Variants in EFCAB6 observed in about 807,000 individuals in gnomAD.
EFCAB6 encodes the protein EF-hand calcium binding domain 6, also known as EF-hand calcium-binding domain-containing protein 6.
A neutral mutation model predicts 169.8 loss-of-function variants in EFCAB6; 156 were observed. The observed-to-expected ratio is 0.92, with a 90% CI of 0.81 to 1.05. The LOEUF (loss-of-function observed/expected upper bound fraction) is 1.05, where lower values mean the gene tolerates loss of function less well. Ranked by LOEUF, EFCAB6 falls within the 50% of genes least tolerant of loss-of-function variation. EFCAB6 has a pLI of 0.00. For missense variants in EFCAB6, 1,800 were observed against 1,829.1 expected (o/e 0.98, Z 0.29); for synonymous variants, 698 against 676.4 (o/e 1.03, Z -0.50).
intron 3 of EFCAB6, among the ~76,000 whole-genome samples, chr22:43,779,671 C>T (rs1185523346): frequency 1.3e-5 from 2 of 151,932 alleles, no homozygotes; most frequent in Admixed American, 6.6e-5. Flanking sequence ...ACCCAGGAGA[C>T]GGAGCTTGCA....
chr22:43,644,597 A>G (rs2056033707), intron 17 of EFCAB6, among the ~76,000 whole-genome samples: 1 of 152,224 alleles, frequency 6.6e-6, no homozygotes, highest in Admixed American at 6.5e-5. Context: ...GCCTGACTCT[A>G]GGCCTTCAGC....
At chr22:43,543,652 G>C (rs2047877788) in intron 27 of EFCAB6, among the ~76,000 whole-genome samples, 1 of 152,182 alleles carries the variant, frequency 6.6e-6, no homozygotes, top group Non-Finnish European at 1.5e-5. Context: ...GAGCCCAATA[G>C]CCGCCAGAGA....
intron 4 of EFCAB6, among the ~76,000 whole-genome samples, chr22:43,768,545 C>G (rs1442998978): frequency 6.6e-6 from 1 of 152,214 alleles, no homozygotes; most frequent in South Asian, 2.1e-4. Context: ...GCCCTTCATT[C>G]CCAATGACCT....
At chr22:43,782,741 G>A (rs1297298391) in intron 2 of EFCAB6, among the ~76,000 whole-genome samples, 1 of 152,190 alleles carries the variant, frequency 6.6e-6, no homozygotes, top group Non-Finnish European at 1.5e-5. Context: ...AAGGACCTCC[G>A]AAAATCCTCT....
chr22:43,713,804 AAC>A (rs1220807003), intron 9 of EFCAB6, among the ~76,000 whole-genome samples: 1 of 152,232 alleles, frequency 6.6e-6, no homozygotes, highest in African/African-American at 2.4e-5. Flanking sequence ...TGAAAATGAT[AAC>A]ACAGCTATAC....
Position 43,795,451 on chromosome 22 carries a change from T to TGTGG in EFCAB6, c.-7-13127_-7-13126insCCAC, listed in dbSNP as rs1369891682. 3.9e-5 allele frequency among the ~76,000 whole-genome samples: 6 copies of TGTGG among 152,228 alleles called. No homozygotes were observed. The East Asian group carries it at 1.2e-3, about 29-fold the overall frequency. ...AGTGCCCACTAGGCAGGAGAGGAGC[T>TGTGG]GCCTCCTGCCCACATCTCCCCTCTC... On this transcript the variant is annotated intron_variant, in intron 2 of 31. Coordinates refer to ENST00000262726, the MANE Select transcript of EFCAB6 (RefSeq NM_022785.4). This position sits in a 1 kb window ranked among gnomAD's most constrained non-coding sequence, Gnocchi z 4.2.
chr22:43,732,119 A>G (rs1170930039), intron 7 of EFCAB6, among the ~76,000 whole-genome samples: 1 of 152,184 alleles, frequency 6.6e-6, no homozygotes, highest in African/African-American at 2.4e-5. Flanking sequence ...CGGCTCTGGC[A>G]GAAGGGGAGC....
At chr22:43,576,812 G>A (rs2050286590) in intron 25 of EFCAB6, among the ~76,000 whole-genome samples, 2 of 152,188 alleles carry the variant, frequency 1.3e-5, no homozygotes, top group African/African-American at 4.8e-5. Context: ...CTGCTCCCAG[G>A]ATCCCTGTTT....
intron 10 of EFCAB6, among the ~76,000 whole-genome samples, chr22:43,692,684 A>G (rs2058451541): frequency 6.6e-6 from 1 of 152,226 alleles, no homozygotes; most frequent in African/African-American, 2.4e-5. Flanking sequence ...GAACCCAACC[A>G]ATATGAAGAC....
At chr22:43,623,174 T>A (rs67402141) in intron 20 of EFCAB6, among the ~76,000 whole-genome samples, 1 of 152,210 alleles carries the variant, frequency 6.6e-6, no homozygotes, top group Non-Finnish European at 1.5e-5. Context: ...GGTATTTTCA[T>A]TCAGTTAGTC....
chr22:43,600,906 G>T (rs1452059604), intron 22 of EFCAB6, among the ~76,000 whole-genome samples: 1 of 152,116 alleles, frequency 6.6e-6, no homozygotes, highest in African/African-American at 2.4e-5. Context: ...CAGGTGATCC[G>T]CCGGCTTCGG....
chr22:43,650,094 T>G (rs1030406775), intron 17 of EFCAB6, among the ~76,000 whole-genome samples: 24 of 152,014 alleles, frequency 1.6e-4, no homozygotes, highest in Non-Finnish European at 3.1e-4. Context: ...CAAAAGGGAT[T>G]TTTTGGTCAC....
At chr22:43,566,628 A>G (rs369490052) in intron 26 of EFCAB6, among the ~76,000 whole-genome samples, 8 of 152,278 alleles carry the variant, frequency 5.3e-5, no homozygotes, top group Admixed American at 6.5e-5. Context: ...GTCTGACTCC[A>G]AAGCCATGCT....
chr22:43,626,589 G>C lies in EFCAB6; in HGVS notation c.2323C>G (p.Leu775Val). 1 of 1,614,222 alleles carries C rather than the reference G, an allele frequency of 6.2e-7. No homozygotes were observed. Among genetic ancestry groups the C allele is most frequent in the Non-Finnish European group, 8.5e-7 (1 of 1,180,048 alleles). Residue 775 changes from leucine (L) to valine (V), a missense_variant, in exon 20 of 32, where the codon CTT becomes GTT. Transcript: ENST00000262726. ...TCAAACTCGTCGTCTTTGAGATTAA[G>C]CAGTAGATGCAGGAGCAGTCTGTGA... ...DLHRLLLHLLLNLKDDEFERF... is the reference protein window; with the variant it reads ...DLHRLLLHLLVNLKDDEFERF...
chr22:43,643,172 A>G (rs754909428), intron 17 of EFCAB6, among the ~76,000 whole-genome samples: 3 of 152,222 alleles, frequency 2.0e-5, no homozygotes, highest in Non-Finnish European at 4.4e-5. Context: ...AATGACTTCC[A>G]TCCCTCATTT....
chr22:43,531,684 T>C (rs949900933), intron 30 of EFCAB6, among the ~76,000 whole-genome samples: 4 of 152,206 alleles, frequency 2.6e-5, no homozygotes, highest in East Asian at 1.9e-4. Flanking sequence ...ATTTTTTTTT[T>C]ACATCATTTG....
rs1359423648 is a variant in EFCAB6 at position 43,572,219 on chromosome 22, C to T, written c.3420+4078G>A. Among the ~76,000 whole-genome samples, 1 of 152,222 alleles carries T rather than the reference C, an allele frequency of 6.6e-6. No homozygotes were observed. The highest frequency in any genetic ancestry group is 1.5e-5 in the Non-Finnish European group (1 of 68,046). ...CAGGTGCTTCTGGAGGTGAAGGCAACTCTTTGTGATGCGAACTGGGCAGAA... is the reference window on the plus strand; with the variant it reads ...CAGGTGCTTCTGGAGGTGAAGGCAATTCTTTGTGATGCGAACTGGGCAGAA... On this transcript the variant is annotated intron_variant, in intron 26 of 31. Transcript: ENST00000262726. The surrounding 1 kb of genome is among the most constrained non-coding windows in gnomAD (Gnocchi z 4.0).
In EFCAB6 at chr22:43,772,969, T is replaced by C. The variant is rs747559736; in HGVS notation, c.274A>G (p.Lys92Glu). The C allele has an allele frequency of 1.2e-6, 2 of 1,614,240 alleles. No individual in the cohort carries two copies. The highest frequency in any genetic ancestry group is 1.7e-6 in the Non-Finnish European group (2 of 1,180,042). The change falls in exon 4 of 32, where the codon AAA (lysine) becomes GAA (glutamate). Residue 92 changes from lysine to glutamate, a missense_variant. Transcript: ENST00000262726. ...LDTGQNLTVS[K>E]SELRRIITDF... ...GTGATGATTCTTCTCAGTTCACTTT[T>C]TGACACAGTCAAGTTCTGACCAGTA...
chr22:43,724,690 A>G (rs1317396240), intron 8 of EFCAB6, among the ~76,000 whole-genome samples: 2 of 152,016 alleles, frequency 1.3e-5, no homozygotes, highest in African/African-American at 4.8e-5. Context: ...ATTTCTATCA[A>G]CATTCTGGTC....
Sources: gnomAD v4.1 joint callset for allele counts (sites outside exome capture counted in the v4.1 genomes callset) on GRCh38, gnomAD v4.1.1 for gene constraint, Gnocchi (gnomAD v3.1) non-coding constraint, MANE v1.5 for transcripts, NCBI Gene and HGNC (gene_info 2026-07-23, HGNC 2026-07-21) for gene names.